NOTCH2: variants seen among roughly 807,000 people sequenced by gnomAD.
NOTCH2 encodes the protein notch receptor 2, also known as neurogenic locus notch homolog protein 2.
A neutral mutation model predicts 235.8 loss-of-function variants in NOTCH2; 29 were observed. The ratio of observed to expected loss-of-function variants is 0.12; its 90% CI spans 0.09 to 0.17. The LOEUF is 0.17. Among genes scored for constraint, NOTCH2 ranks in the 10% least tolerant of loss-of-function variants. The pLI, the probability that NOTCH2 is intolerant of heterozygous loss-of-function variation, is 1.00. For missense variants in NOTCH2, 2,285 were observed against 3,150.2 expected (o/e 0.73, Z 6.57); for synonymous variants, 1,086 against 1,141.5 (o/e 0.95, Z 0.98).
At chr1:119,989,193 A>C (rs1170499906) in intron 4 of NOTCH2, among the ~76,000 whole-genome samples, 1 of 152,218 alleles carries the variant, frequency 6.6e-6, no homozygotes, top group Non-Finnish European at 1.5e-5. Context: ...TTGGGGAATT[A>C]ACAGGACCCA....
intron 7 of NOTCH2, among the ~76,000 whole-genome samples, 179 bp downstream of exon 7, chr1:119,967,898 G>A (rs1026419902): frequency 2.0e-5 from 3 of 152,186 alleles, no homozygotes; most frequent in Non-Finnish European, 2.9e-5. Flanking sequence ...TTAATCCCCA[G>A]AATGGAATAT....
chr1:119,973,142 G>C (rs1216564165), intron 5 of NOTCH2, among the ~76,000 whole-genome samples: 1 of 152,148 alleles, frequency 6.6e-6, no homozygotes, highest in African/African-American at 2.4e-5. Flanking sequence ...GAAGATAGTG[G>C]CTTATAAGTA....
chr1:119,973,965 CAAGTA>C (rs59016390), intron 5 of NOTCH2, among the ~76,000 whole-genome samples: 7,309 of 152,158 alleles, frequency 0.048, 276 homozygotes, highest in South Asian at 0.11. Context: ...CTTGATACAA[CAAGTA>C]AAGGAGGATG....
rs782717749 is a variant in NOTCH2, at chr1:119,987,111, T to A, written c.752-29A>T. The A allele has an allele frequency of 3.1e-6, 5 of 1,612,900 alleles. No homozygotes were observed. The Admixed American group carries it at 6.7e-5, about 22-fold the overall frequency. Reference sequence around the variant, plus strand: ...GTAAATGAAGAACAAATGAAAATGATGAAATCTCATACAGAAGAAACGACC... The same window carrying A: ...GTAAATGAAGAACAAATGAAAATGAAGAAATCTCATACAGAAGAAACGACC... On this transcript the variant is annotated intron_variant, in intron 4 of 33. Transcript: ENST00000256646.
intron 26 of NOTCH2, among the ~76,000 whole-genome samples, chr1:119,923,263 G>A (rs926857826): frequency 2.0e-5 from 3 of 152,214 alleles, no homozygotes; most frequent in African/African-American, 7.2e-5. Context: ...CAGAGCAACT[G>A]AAGATCATTA....
chr1:119,949,754 T>A (rs1650398981), intron 15 of NOTCH2, among the ~76,000 whole-genome samples: 1 of 152,148 alleles, frequency 6.6e-6, no homozygotes. Flanking sequence ...AGTCATGCTA[T>A]GGCTATTCTG....
At chr1:119,994,436 G>A (rs1366280929) in intron 4 of NOTCH2, 3 of 115,892 alleles carry the variant, frequency 2.6e-5, no homozygotes, top group African/African-American at 7.9e-5. Context: ...TTTATCCAAA[G>A]CTGAAGTCAT....
At chr1:119,968,671 C>T (rs968817108) in intron 6 of NOTCH2, among the ~76,000 whole-genome samples, 1 of 152,210 alleles carries the variant, frequency 6.6e-6, no homozygotes, top group South Asian at 2.1e-4. Flanking sequence ...CAATATTATG[C>T]TACCTGATGA....
At chr1:119,940,015 C>T (rs587750051) in intron 19 of NOTCH2, among the ~76,000 whole-genome samples, 6 of 152,284 alleles carry the variant, frequency 3.9e-5, no homozygotes, top group South Asian at 4.1e-4. Context: ...GGGGCTGTTT[C>T]GCCTTCCATG....
chr1:119,921,663 A>G, intron 29 of NOTCH2, 50 bp downstream of exon 29: 1 of 1,495,092 alleles, frequency 6.7e-7, no homozygotes, highest in Non-Finnish European at 9.3e-7. Flanking sequence ...GAAATTTGAA[A>G]TGTAACCAGA....
chr1:119,982,796 T>C (rs776401568), intron 5 of NOTCH2, among the ~76,000 whole-genome samples: 1 of 152,122 alleles, frequency 6.6e-6, no homozygotes, highest in Non-Finnish European at 1.5e-5. Flanking sequence ...TCCACAAGAG[T>C]GGTAGTTTTT....
intron 1 of NOTCH2, among the ~76,000 whole-genome samples, chr1:120,031,014 C>G (rs1267213484): frequency 6.9e-6 from 1 of 144,814 alleles, no homozygotes; most frequent in African/African-American, 2.6e-5. Context: ...TGAACTCTTT[C>G]TTGGAAGTTA....
intron 27 of NOTCH2, 31 bp downstream of exon 27, chr1:119,922,605 C>G: frequency 3.1e-6 from 5 of 1,613,484 alleles, no homozygotes; most frequent in Non-Finnish European, 4.2e-6. Context: ...CTTCCCCCGC[C>G]ACCTTTCCCC....
At chr1:120,028,941 A>C (rs1653981604) in intron 2 of NOTCH2, among the ~76,000 whole-genome samples, 1 of 152,074 alleles carries the variant, frequency 6.6e-6, no homozygotes, top group Admixed American at 6.5e-5. Context: ...TAGAAAAGCT[A>C]TTATGAAATT....
Position 119,925,661 on chromosome 1 carries a change from G to C in NOTCH2, c.4155C>G (p.His1385Gln). The change falls in exon 25 of 34, where the codon CAC (histidine) becomes CAG (glutamine). Residue 1385 changes from histidine (H) to glutamine (Q), a missense_variant. Around this residue, in one of 6 missense-constraint regions of NOTCH2, gnomAD observed 1,173 missense variants for 1,515.3 expected, o/e 0.77. Transcript: ENST00000256646. The stretch of plus-strand genomic sequence containing the variant: ...GGCGCTGAGGGTGGCAGCTGCCCCC[G>C]TGCTGGCAGGGGCTACTGGCACAGC... ...ESGCASSPCQHGGSCHPQRQP... is the reference protein window; with the variant it reads ...ESGCASSPCQQGGSCHPQRQP... The C allele has an allele frequency of 1.9e-6, 3 of 1,612,684 alleles. No homozygotes were observed. The highest frequency in any genetic ancestry group is 2.5e-6 in the Non-Finnish European group (3 of 1,178,886).
intron 1 of NOTCH2, among the ~76,000 whole-genome samples, chr1:120,067,217 A>T (rs1553217250): frequency 1.4e-5 from 2 of 146,554 alleles, no homozygotes; most frequent in Admixed American, 6.6e-5. Context: ...GACTCTAAGA[A>T]GATTTAAGAT....
chr1:119,929,829 T>C (rs781978151), intron 22 of NOTCH2, among the ~76,000 whole-genome samples: 2 of 152,236 alleles, frequency 1.3e-5, no homozygotes, highest in Admixed American at 6.5e-5. Flanking sequence ...TCACTTACCA[T>C]TCACTGACTC....
At chr1:119,988,679 G>T (rs1459284851) in intron 4 of NOTCH2, among the ~76,000 whole-genome samples, 2 of 152,118 alleles carry the variant, frequency 1.3e-5, no homozygotes, top group Non-Finnish European at 2.9e-5. Context: ...AAAATTTAAA[G>T]ACATAGTTTT....
chr1:120,014,510 A>AAAAC (rs1570747691), intron 2 of NOTCH2, among the ~76,000 whole-genome samples: 1 of 143,556 alleles, frequency 7.0e-6, no homozygotes, highest in East Asian at 2.0e-4. Flanking sequence ...AGGAAGGAAG[A>AAAAC]AAACAGAGAA....
Sources: gnomAD v4.1 joint callset for allele counts (sites outside exome capture counted in the v4.1 genomes callset) on GRCh38, gnomAD v4.1.1 for gene constraint, gnomAD v4.1.1 regional missense constraint, MANE v1.5 for transcripts, NCBI Gene and HGNC (gene_info 2026-07-23, HGNC 2026-07-21) for gene names.